SUCLG2: variants seen among roughly 807,000 people sequenced by gnomAD.
SUCLG2 encodes succinate-CoA ligase GDP-forming subunit beta.
Under a neutral mutation model 47.9 loss-of-function variants are expected in SUCLG2, and 42 were observed. That is an observed-to-expected ratio of 0.88 (90% CI 0.69 to 1.14). The LOEUF (loss-of-function observed/expected upper bound fraction) is 1.14. SUCLG2 is among the 50% of genes most tolerant of loss of function. The probability of loss-of-function intolerance (pLI) is 0.00; values close to 1 mark genes in which losing one functional copy is unlikely to be tolerated. For synonymous variants in SUCLG2, 195 were observed against 197.3 expected (o/e 0.99, Z 0.10); for missense variants, 571 against 525.9 (o/e 1.09, Z -0.84).
chr3:67,638,796 G>A lies in SUCLG2; in HGVS notation c.84+15707C>T, dbSNP rs561700742. 5.9e-5 allele frequency among the ~76,000 whole-genome samples: 9 copies of A among 152,196 alleles called. No homozygotes were observed. In the East Asian group the frequency reaches 1.4e-3, roughly 23 times the overall value. On this transcript the variant is annotated intron_variant, in intron 1 of 10. Transcript: ENST00000307227. ...TTGTAGCGGATGTTGTAAGTGACTC[G>A]CCAGTATCTTTTTCTAAACTATTCA...
At chr3:67,465,501 C>T (rs1197320935) in intron 9 of SUCLG2, among the ~76,000 whole-genome samples, 2 of 152,204 alleles carry the variant, frequency 1.3e-5, no homozygotes, top group Non-Finnish European at 1.5e-5. Context: ...ACCCCATCTA[C>T]AGCAATTGCT....
intron 9 of SUCLG2, among the ~76,000 whole-genome samples, chr3:67,470,557 G>C (rs1704580281): frequency 6.6e-6 from 1 of 152,158 alleles, no homozygotes; most frequent in African/African-American, 2.4e-5. Flanking sequence ...TGCAAAAGTT[G>C]GTTAGCTGGA....
chr3:67,396,453 C>T (rs1256598131), intron 10 of SUCLG2, among the ~76,000 whole-genome samples: 1 of 151,966 alleles, frequency 6.6e-6, no homozygotes, highest in African/African-American at 2.4e-5. Flanking sequence ...ACACATACAC[C>T]CTCCCAAGAC....
At chr3:67,638,545 CA>C (rs1173103078) in intron 1 of SUCLG2, among the ~76,000 whole-genome samples, 9 of 152,208 alleles carry the variant, frequency 5.9e-5, no homozygotes, top group African/African-American at 2.2e-4. Context: ...AGCTGAGAGA[CA>C]GGCAAGTTTG....
At chr3:67,585,966 C>CAAAAAAAAAAAAA (rs67546250) in intron 2 of SUCLG2, among the ~76,000 whole-genome samples, 6 of 59,940 alleles carry the variant, frequency 1.0e-4, no homozygotes, top group African/African-American at 3.5e-4. Flanking sequence ...GACTCCATTT[C>CAAAAAAAAAAAAA]AAAAAAAAAA....
chr3:67,397,806 T>C (rs919883370), intron 10 of SUCLG2, among the ~76,000 whole-genome samples: 5 of 152,176 alleles, frequency 3.3e-5, no homozygotes, highest in Non-Finnish European at 5.9e-5. Context: ...AGCATGGTAC[T>C]GGTACCAAAA....
At chr3:67,559,951 G>T (rs554591651) in intron 2 of SUCLG2, among the ~76,000 whole-genome samples, 1 of 151,934 alleles carries the variant, frequency 6.6e-6, no homozygotes, top group South Asian at 2.1e-4. Flanking sequence ...GTTGGTATTG[G>T]GGGAGGCTGT....
intron 2 of SUCLG2, among the ~76,000 whole-genome samples, chr3:67,593,348 T>C (rs1575802813): frequency 6.9e-6 from 1 of 144,050 alleles, no homozygotes; most frequent in East Asian, 2.0e-4. Context: ...AACTAAAAGT[T>C]GTTATCCTAC....
intron 2 of SUCLG2, among the ~76,000 whole-genome samples, 165 bp downstream of exon 2, chr3:67,609,290 T>C (rs1575813741): frequency 6.6e-6 from 1 of 152,000 alleles, no homozygotes; most frequent in East Asian, 1.9e-4. Context: ...TACACACATG[T>C]ACATGAGGCA....
At chr3:67,599,033 C>G (rs1041113552) in intron 2 of SUCLG2, among the ~76,000 whole-genome samples, 1 of 152,240 alleles carries the variant, frequency 6.6e-6, no homozygotes, top group Non-Finnish European at 1.5e-5. Context: ...ATGATCCTAA[C>G]TACCCATTAT....
intron 10 of SUCLG2, among the ~76,000 whole-genome samples, chr3:67,364,495 G>A (rs980276089): frequency 6.6e-6 from 1 of 151,864 alleles, no homozygotes; most frequent in African/African-American, 2.4e-5. Context: ...ATGAGGGAGT[G>A]CAGCACTAGG....
intron 2 of SUCLG2, among the ~76,000 whole-genome samples, chr3:67,533,525 G>C (rs1049181259): frequency 1.3e-5 from 2 of 152,120 alleles, no homozygotes; most frequent in African/African-American, 4.8e-5. Context: ...TTGTATTTCA[G>C]AATTTCAGAT....
At chr3:67,421,443 T>TA (rs1346841740) in intron 9 of SUCLG2, among the ~76,000 whole-genome samples, 3 of 152,222 alleles carry the variant, frequency 2.0e-5, no homozygotes, top group African/African-American at 7.2e-5. Flanking sequence ...ACCTGGGTTC[T>TA]AGTCTTCGCT....
At chr3:67,544,346 T>C (rs113087503) in intron 2 of SUCLG2, among the ~76,000 whole-genome samples, 3,633 of 152,190 alleles carry the variant, frequency 0.024, 143 homozygotes, top group African/African-American at 0.082. Context: ...TGGGAGGTGA[T>C]TGGATCATGG....
Position 67,520,516 on chromosome 3 carries a change from T to C in SUCLG2, c.536A>G (p.Glu179Gly), listed in dbSNP as rs1706069555. ...GAGCTCCGGGTTTGAAGCAGCCACC[T>C]CTTCAATGTCGACGCCCCCCTGGGG... is the stretch of plus-strand genomic sequence containing the variant. The part of the protein sequence containing the change: ...GSPQGGVDIE[E>G]VAASNPELIF... Residue 179 changes from glutamate to glycine, a missense_variant, in exon 5 of 11, where the codon GAG becomes GGG. Physicochemically the swap from Glu to Gly is moderately conservative, Grantham distance 98 (BLOSUM62 -2). Transcript: ENST00000307227. 1.2e-6 allele frequency: 2 copies of C among 1,614,028 alleles called. No homozygotes were observed. Among genetic ancestry groups the C allele is most frequent in the African/African-American group, 2.7e-5 (2 of 74,920 alleles).
intron 9 of SUCLG2, among the ~76,000 whole-genome samples, chr3:67,461,128 C>A (rs1367002146): frequency 2.0e-5 from 3 of 152,184 alleles, no homozygotes; most frequent in African/African-American, 7.2e-5. Flanking sequence ...ACTGCTCTTT[C>A]TTTTTATGAG....
intron 2 of SUCLG2, among the ~76,000 whole-genome samples, chr3:67,566,697 C>G (rs1707461005): frequency 6.6e-6 from 1 of 152,034 alleles, no homozygotes; most frequent in Non-Finnish European, 1.5e-5. Flanking sequence ...ATATCTTATT[C>G]ATGAAAAACG....
At chr3:67,570,984 C>T (rs1707592749) in intron 2 of SUCLG2, among the ~76,000 whole-genome samples, 1 of 152,056 alleles carries the variant, frequency 6.6e-6, no homozygotes. Flanking sequence ...GGAGACTGGG[C>T]CCTCTAATTT....
At chr3:67,632,026 C>T (rs1232971824) in intron 1 of SUCLG2, among the ~76,000 whole-genome samples, 6 of 152,180 alleles carry the variant, frequency 3.9e-5, no homozygotes, top group African/African-American at 7.2e-5. Flanking sequence ...GTTCAGTAAT[C>T]GTGTTTCCAG....
Sources: gnomAD v4.1 joint callset for allele counts (sites outside exome capture counted in the v4.1 genomes callset) on GRCh38, gnomAD v4.1.1 for gene constraint, MANE v1.5 for transcripts, NCBI Gene and HGNC (gene_info 2026-07-23, HGNC 2026-07-21) for gene names.